FBN2: variants seen among roughly 807,000 people sequenced by gnomAD.
The protein encoded by FBN2 is fibrillin-2.
Under a neutral mutation model 355.6 loss-of-function variants are expected in FBN2, and 105 were observed. The ratio of observed to expected loss-of-function variants is 0.30; its 90% CI spans 0.25 to 0.35. The LOEUF (loss-of-function observed/expected upper bound fraction) is 0.35, where lower values mean the gene tolerates loss of function less well. Ranked by LOEUF, FBN2 falls within the 10% of genes least tolerant of loss-of-function variation. FBN2 has a pLI of 1.00. For synonymous variants in FBN2, 1,350 were observed against 1,301.2 expected (o/e 1.04, Z -0.81); for missense variants, 3,280 against 3,758.7 (o/e 0.87, Z 3.33).
chr5:128,433,481 C>T (rs1181638537), intron 7 of FBN2, among the ~76,000 whole-genome samples: 1 of 152,216 alleles, frequency 6.6e-6, no homozygotes, highest in African/African-American at 2.4e-5. Flanking sequence ...CAATTTTCTT[C>T]TATGTAATAA....
At chr5:128,404,932 G>A (rs1752887342) in intron 8 of FBN2, among the ~76,000 whole-genome samples, 1 of 152,230 alleles carries the variant, frequency 6.6e-6, no homozygotes, top group Non-Finnish European at 1.5e-5. Context: ...AGCACTTTGG[G>A]AGGTCAAGGC....
chr5:128,519,952 A>G (rs1756387571), intron 4 of FBN2, among the ~76,000 whole-genome samples: 2 of 152,212 alleles, frequency 1.3e-5, no homozygotes, highest in South Asian at 4.1e-4. Flanking sequence ...CATCAACGTT[A>G]GCTATAAAAT....
At chr5:128,386,019 A>T (rs975756033) in intron 11 of FBN2, among the ~76,000 whole-genome samples, 1 of 151,990 alleles carries the variant, frequency 6.6e-6, no homozygotes, top group Non-Finnish European at 1.5e-5. Context: ...GAAGCTCTTT[A>T]GTTTAATTGG....
At chr5:128,348,826 TGAAA>T (rs1751259001) in intron 23 of FBN2, among the ~76,000 whole-genome samples, 1 of 152,112 alleles carries the variant, frequency 6.6e-6, no homozygotes, top group Non-Finnish European at 1.5e-5. Context: ...AATATGCTGT[TGAAA>T]GAAAGAGATT....
rs75277853 is a variant in FBN2, at chr5:128,375,198, C to T, written c.1973-448G>A. Among the ~76,000 whole-genome samples the T allele has an allele frequency of 7.2e-5, 11 of 152,222 alleles. No homozygotes were observed. In the East Asian group the frequency reaches 1.7e-3, roughly 24 times the overall value. On this transcript the variant is annotated intron_variant, in intron 14 of 64. Coordinates refer to ENST00000262464, the MANE Select transcript of FBN2 (RefSeq NM_001999.4). ...TTTCAATCCACTTGAATTTATCAAA[C>T]GTAACCCAGCATTAAATGACTTCCC... is the stretch of plus-strand genomic sequence containing the variant.
At chr5:128,516,072 A>G (rs906217754) in intron 5 of FBN2, among the ~76,000 whole-genome samples, 5 of 152,206 alleles carry the variant, frequency 3.3e-5, no homozygotes, top group African/African-American at 9.6e-5. Context: ...GCGATCAAGT[A>G]ATCACCTATT....
At chr5:128,456,998 C>T (rs111411465) in intron 6 of FBN2, among the ~76,000 whole-genome samples, 43 of 152,256 alleles carry the variant, frequency 2.8e-4, no homozygotes, top group African/African-American at 1.0e-3. Flanking sequence ...TAACAAAAAA[C>T]TATGATGAGC....
At chr5:128,452,203 C>G (rs1301241684) in intron 6 of FBN2, among the ~76,000 whole-genome samples, 1 of 152,148 alleles carries the variant, frequency 6.6e-6, no homozygotes, top group Non-Finnish European at 1.5e-5. Flanking sequence ...CTATCACAAG[C>G]AACTACTAAT....
chr5:128,309,199 G>A (rs369701230), intron 41 of FBN2, 48 bp downstream of exon 41: 11 of 1,592,714 alleles, frequency 6.9e-6, no homozygotes, highest in Middle Eastern at 3.3e-4. Flanking sequence ...AGATATATGC[G>A]TGTATCACTG....
Position 128,287,329 on chromosome 5 carries a change from C to T in FBN2, c.6859G>A (p.Glu2287Lys). Reference protein sequence around the residue: ...CTCPIGYALREDQKMCKDLDE... With the variant: ...CTCPIGYALRKDQKMCKDLDE... ...TTACCTTTGCACATCTTTTGATCTT[C>T]CCTGAGGGCATAGCCAATCGGGCAC... The change falls in exon 54 of 65, where the codon GAA (glutamate) becomes AAA (lysine). Residue 2287 changes from glutamate to lysine, a missense_variant. By Grantham distance (56) the Glu-to-Lys change is moderately conservative. This residue lies in a region of FBN2 where 2,284 missense variants were observed against 2,749.5 expected (regional missense o/e 0.83). Coordinates refer to ENST00000262464, the MANE Select transcript of FBN2 (RefSeq NM_001999.4). 1.2e-6 allele frequency: 2 copies of T among 1,613,990 alleles called. No homozygotes were observed. Among genetic ancestry groups the T allele is most frequent in the Non-Finnish European group, 1.7e-6 (2 of 1,179,906 alleles).
Position 128,338,812 on chromosome 5 carries a change from CT to C in FBN2, c.3472+120del, listed in dbSNP as rs1007089222. On this transcript the variant is annotated intron_variant, in intron 26 of 64. Coordinates refer to ENST00000262464, the MANE Select transcript of FBN2 (RefSeq NM_001999.4). The stretch of plus-strand genomic sequence containing the variant: ...TCTGACATTTAAATCTCTTCTCTCT[CT>C]CACCACAGATGCTGGCCACACATGC... 3.5e-6 allele frequency: 4 copies of C among 1,153,830 alleles called. No homozygotes were observed. In the African/African-American group the frequency reaches 6.1e-5, roughly 17 times the overall value. The allele number at this position is 1,153,830 out of a possible 1,614,324, so 71.5% of individuals were successfully genotyped here.
chr5:128,348,063 A>G (rs1751234248), intron 23 of FBN2, among the ~76,000 whole-genome samples: 1 of 152,226 alleles, frequency 6.6e-6, no homozygotes. Flanking sequence ...CTGGGATTAC[A>G]GGCGTAAGCC....
intron 2 of FBN2, 120 bp downstream of exon 2, chr5:128,536,282 G>A (rs1463206502): frequency 1.3e-6 from 1 of 779,520 alleles, no homozygotes; most frequent in African/African-American, 1.7e-5. Context: ...CCGATTATCA[G>A]TGCAATGTGA....
chr5:128,307,011 C>G, intron 42 of FBN2, 124 bp downstream of exon 42: 1 of 705,702 alleles, frequency 1.4e-6, no homozygotes, highest in Non-Finnish European at 2.5e-6. Context: ...TCTTATCTAA[C>G]TATATTAGAT....
intron 5 of FBN2, among the ~76,000 whole-genome samples, chr5:128,499,341 T>C (rs1021852158): frequency 6.6e-6 from 1 of 152,196 alleles, no homozygotes; most frequent in Non-Finnish European, 1.5e-5. Flanking sequence ...TAGCTAATTA[T>C]AAAAATGCCC....
Position 128,364,694 on chromosome 5 carries a change from T to C in FBN2, c.2334A>G (p.Ile778Met). 1 of 1,612,956 alleles carries C rather than the reference T, an allele frequency of 6.2e-7. No individual in the cohort carries two copies. Among genetic ancestry groups the C allele is most frequent in the African/African-American group, 1.3e-5 (1 of 75,030 alleles). ...DINECALDPD[I>M]CANGICENLR... ...AGTTTTCACAAATCCCATTGGCACA[T>C]ATATCAGGATCCAAAGCACATTCAT... Residue 778 changes from isoleucine to methionine, a missense_variant, in exon 18 of 65, where the codon ATA becomes ATG. This residue lies in a region of FBN2 where 2,284 missense variants were observed against 2,749.5 expected (regional missense o/e 0.83). Transcript: ENST00000262464.
At chr5:128,478,956 T>G (rs1755081029) in intron 5 of FBN2, among the ~76,000 whole-genome samples, 1 of 152,328 alleles carries the variant, frequency 6.6e-6, no homozygotes, top group South Asian at 2.1e-4. Flanking sequence ...TGCAACACAC[T>G]TTGGCAAACA....
At chr5:128,415,889 T>C (rs1753181865) in intron 7 of FBN2, among the ~76,000 whole-genome samples, 1 of 152,166 alleles carries the variant, frequency 6.6e-6, no homozygotes, top group African/African-American at 2.4e-5. Context: ...TTAATAATAG[T>C]GATTTTAACT....
chr5:128,312,521 G>T (rs1750082050), intron 37 of FBN2, 113 bp downstream of exon 37: 1 of 1,157,350 alleles, frequency 8.6e-7, no homozygotes, highest in Non-Finnish European at 1.3e-6. Context: ...TTCAAATTCA[G>T]TTTTTTTGTT....
Sources: gnomAD v4.1 joint callset for allele counts (sites outside exome capture counted in the v4.1 genomes callset) on GRCh38, gnomAD v4.1.1 for gene constraint, gnomAD v4.1.1 regional missense constraint, MANE v1.5 for transcripts, NCBI Gene and HGNC (gene_info 2026-07-23, HGNC 2026-07-21) for gene names.